The following MRFAP1L2 variants were observed in gnomAD, a reference collection of about 807,000 sequenced individuals.
MRFAP1L2 encodes the protein Morf4 family associated protein 1 like 2.
chr4:6,675,250 CAG>C, the MRFAP1L2 span: 1 of 152,268 alleles, frequency 6.6e-6, no homozygotes, highest in African/African-American at 2.4e-5. Flanking sequence ...ATGGCCTATA[CAG>C]TACGTACGCT....
At chr4:6,675,526 G>A in the MRFAP1L2 span, 8 of 152,242 alleles carry the variant, frequency 5.3e-5, no homozygotes, top group African/African-American at 1.7e-4. Context: ...GCAGTGTGTG[G>A]ATTTGAGGAC....
chr4:6,674,520 GC>G, the MRFAP1L2 span: 1 of 670,896 alleles, frequency 1.5e-6, no homozygotes. Context: ...GCGCGGATGG[GC>G]AGGCGGATCG....
the MRFAP1L2 span, chr4:6,675,515 G>A: frequency 1.3e-5 from 2 of 152,222 alleles, no homozygotes; most frequent in Non-Finnish European, 2.9e-5. Context: ...CTTGAAGAGT[G>A]GCAGTGTGTG....
At chr4:6,674,249 C>T in the MRFAP1L2 span, 2 of 424,588 alleles carry the variant, frequency 4.7e-6, no homozygotes, top group East Asian at 3.7e-5. Context: ...GCGGGAGCCC[C>T]GCGAGGAGCC....
At chr4:6,674,088 G>A in the MRFAP1L2 span, 3 of 386,864 alleles carry the variant, frequency 7.8e-6, no homozygotes, top group African/African-American at 2.1e-5. Context: ...TTTGGATACC[G>A]TCCTCGCTGC....
chr4:6,675,081 CCT>C, the MRFAP1L2 span: 4 of 152,450 alleles, frequency 2.6e-5, no homozygotes, highest in Non-Finnish European at 4.4e-5. Context: ...TTTTGTCTCC[CCT>C]GTTTTTCTGC....
chr4:6,674,681 G>A, the MRFAP1L2 span: 1 of 526,608 alleles, frequency 1.9e-6, no homozygotes, highest in Non-Finnish European at 3.3e-6. Context: ...GCTCTCCGCG[G>A]AGTTGGTTTC....
chr4:6,675,518 A>C, the MRFAP1L2 span: 2 of 152,204 alleles, frequency 1.3e-5, no homozygotes, highest in Admixed American at 1.3e-4. Flanking sequence ...GAAGAGTGGC[A>C]GTGTGTGGAT....
the MRFAP1L2 span, chr4:6,675,283 C>T: frequency 6.6e-6 from 1 of 152,114 alleles, no homozygotes; most frequent in African/African-American, 2.4e-5. Context: ...CATATTTGTT[C>T]CTGTGATCTT....
chr4:6,675,585 GT>G, the MRFAP1L2 span: 3 of 152,000 alleles, frequency 2.0e-5, no homozygotes, highest in South Asian at 2.1e-4. Context: ...TGGGTGTTTT[GT>G]TTTTTTTGTT....
chr4:6,675,126 C>G, the MRFAP1L2 span: 1 of 152,328 alleles, frequency 6.6e-6, no homozygotes, highest in Non-Finnish European at 1.5e-5. Context: ...ACTCAATTTC[C>G]AGTACCATCC....
the MRFAP1L2 span, chr4:6,674,502 C>T: frequency 1.5e-6 from 1 of 671,408 alleles, no homozygotes; most frequent in Non-Finnish European, 2.7e-6. Flanking sequence ...AGGAAGGCTG[C>T]GGAGGCGGCG....
the MRFAP1L2 span, chr4:6,675,190 C>T: frequency 1.3e-5 from 2 of 152,374 alleles, no homozygotes; most frequent in East Asian, 1.9e-4. Flanking sequence ...TTAATAGGCG[C>T]ATTCAGTTTG....
At chr4:6,674,390 A>G in the MRFAP1L2 span, 1 of 651,072 alleles carries the variant, frequency 1.5e-6, no homozygotes, top group Non-Finnish European at 2.7e-6. Context: ...CGACGCCATC[A>G]AGAGTGAGGT....
chr4:6,674,721 T>C, the MRFAP1L2 span: 4 of 523,740 alleles, frequency 7.6e-6, no homozygotes, highest in Non-Finnish European at 1.3e-5. Context: ...TTAGAGAAAA[T>C]AATTTGATAT....
the MRFAP1L2 span, chr4:6,674,273 A>AGCCCCGC: frequency 2.7e-5 from 13 of 488,444 alleles, no homozygotes; most frequent in East Asian, 2.1e-4. Flanking sequence ...CAGCCCGCTG[A>AGCCCCGC]GCCCCGCGCC....
the MRFAP1L2 span, chr4:6,674,091 C>G: frequency 1.3e-5 from 5 of 386,494 alleles, no homozygotes; most frequent in Non-Finnish European, 2.3e-5. Context: ...GGATACCGTC[C>G]TCGCTGCGGA....
At chr4:6,674,096 TGCGGAAAGTTGGG>T in the MRFAP1L2 span, 1 of 384,812 alleles carries the variant, frequency 2.6e-6, no homozygotes, top group Non-Finnish European at 4.6e-6. Context: ...CCGTCCTCGC[TGCGGAAAGTTGGG>T]GCAACCTGTT....
the MRFAP1L2 span, chr4:6,675,019 C>T: frequency 7.1e-4 from 110 of 154,926 alleles, no homozygotes; most frequent in Non-Finnish European, 1.2e-3. Flanking sequence ...CTGTGTTCAC[C>T]TGATAAGGAG....
Sources: allele counts gnomAD v4.1 joint callset, GRCh38; gene constraint gnomAD v4.1.1; transcripts MANE v1.5; gene names NCBI Gene and HGNC (gene_info 2026-07-23, HGNC 2026-07-21).